CNTNAP5: variants seen among roughly 807,000 people sequenced by gnomAD.
CNTNAP5 encodes the protein contactin-associated protein-like 5.
In CNTNAP5, 72 loss-of-function variants were observed where a neutral mutation model predicts 150.2. That is an observed-to-expected ratio of 0.48 (90% CI 0.40 to 0.58). The LOEUF (loss-of-function observed/expected upper bound fraction) is 0.58, where lower values mean the gene tolerates loss of function less well. Ranked by LOEUF, CNTNAP5 falls within the 20% of genes least tolerant of loss-of-function variation. CNTNAP5 has a pLI of 0.00. For synonymous variants in CNTNAP5, 672 were observed against 619.8 expected (o/e 1.08, Z -1.25); for missense variants, 1,636 against 1,626.2 (o/e 1.01, Z -0.10).
intron 8 of CNTNAP5, 95 bp downstream of exon 8, chr2:124,504,651 G>C: frequency 8.1e-7 from 1 of 1,234,890 alleles, no homozygotes; most frequent in Non-Finnish European, 1.1e-6. Flanking sequence ...AAATCTCAGG[G>C]ATATGGGTTA....
chr2:124,533,388 T>TCTAAGAAATTC (rs1695156473), intron 10 of CNTNAP5, among the ~76,000 whole-genome samples: 2 of 152,168 alleles, frequency 1.3e-5, no homozygotes, highest in African/African-American at 4.8e-5. Context: ...CCTGGAAATT[T>TCTAAGAAATTC]GCATTTCTAA....
intron 4 of CNTNAP5, among the ~76,000 whole-genome samples, chr2:124,427,871 T>C (rs1025775836): frequency 1.3e-5 from 2 of 152,148 alleles, no homozygotes; most frequent in African/African-American, 4.8e-5. Context: ...ACAGAGCTCC[T>C]CAAACCTCAT....
chr2:124,679,098 G>C (rs1679006384), intron 13 of CNTNAP5, among the ~76,000 whole-genome samples: 1 of 151,902 alleles, frequency 6.6e-6, no homozygotes, highest in Non-Finnish European at 1.5e-5. Flanking sequence ...TGAATGGCCA[G>C]AGTCAAAGTC....
At chr2:124,759,938 C>CTTTT (rs571408475) in intron 14 of CNTNAP5, among the ~76,000 whole-genome samples, 3 of 83,640 alleles carry the variant, frequency 3.6e-5, no homozygotes, top group Admixed American at 1.4e-4. Context: ...ACTCCTCGGT[C>CTTTT]TTTTTTTTTT....
chr2:124,309,922 C>T (rs1335087996), intron 3 of CNTNAP5, among the ~76,000 whole-genome samples: 1 of 152,158 alleles, frequency 6.6e-6, no homozygotes, highest in African/African-American at 2.4e-5. Context: ...CAGTGTCTTG[C>T]CTGTACTAGG....
intron 1 of CNTNAP5, among the ~76,000 whole-genome samples, chr2:124,117,174 G>A (rs769008358): frequency 1.3e-5 from 2 of 152,070 alleles, no homozygotes; most frequent in Non-Finnish European, 2.9e-5. Context: ...AATATAAACC[G>A]AGCCAAGAAT....
rs58774096 is a variant in CNTNAP5, at chr2:124,619,842, CATATAT to C, written c.1876+9960_1876+9965del. Among the ~76,000 whole-genome samples, 388 of 98,402 alleles carry C rather than the reference CATATAT, an allele frequency of 3.9e-3. 1 individual carries two copies. The highest frequency in any genetic ancestry group is 0.012 in the African/African-American group (210 of 16,862). The allele number at this position is 98,402 out of a possible 152,430, so 64.6% of individuals were successfully genotyped here. A position where few individuals can be genotyped will look rare whatever the true frequency, so the allele number is the denominator to read the frequency against. On this transcript the variant is annotated intron_variant, in intron 12 of 23. Coordinates refer to ENST00000682447, the MANE Select transcript of CNTNAP5 (RefSeq NM_001367498.1). ...AATCTCCTTCTCTCACTGTCTCATT[CATATAT>C]ATATATATATATATATATATATATA... is the stretch of plus-strand genomic sequence containing the variant.
chr2:124,455,906 G>A (rs1188657606), intron 6 of CNTNAP5, among the ~76,000 whole-genome samples: 1 of 152,076 alleles, frequency 6.6e-6, no homozygotes, highest in East Asian at 1.9e-4. Flanking sequence ...GCATGCAAGG[G>A]ACATACTTCC....
chr2:124,145,840 A>AAAAG (rs1684237093), intron 1 of CNTNAP5, among the ~76,000 whole-genome samples: 1 of 139,998 alleles, frequency 7.1e-6, no homozygotes, highest in Admixed American at 7.7e-5. Context: ...AAGAAAAAAA[A>AAAAG]AAAAAATAAA....
intron 11 of CNTNAP5, among the ~76,000 whole-genome samples, chr2:124,570,063 C>T (rs1051594044): frequency 1.3e-5 from 2 of 152,166 alleles, no homozygotes; most frequent in African/African-American, 4.8e-5. Context: ...AAAGATAATA[C>T]AGTGTGCTCT....
intron 19 of CNTNAP5, among the ~76,000 whole-genome samples, chr2:124,828,530 C>CACAGAATA (rs1460222916): frequency 1.3e-5 from 2 of 151,648 alleles, no homozygotes; most frequent in Non-Finnish European, 2.9e-5. Context: ...AGGATGAATG[C>CACAGAATA]ACAGAATAAC....
At chr2:124,575,437 C>T (rs1038468398) in intron 11 of CNTNAP5, among the ~76,000 whole-genome samples, 2 of 152,176 alleles carry the variant, frequency 1.3e-5, no homozygotes, top group African/African-American at 4.8e-5. Flanking sequence ...TTGGAACGCT[C>T]TTGGGTCACA....
intron 13 of CNTNAP5, among the ~76,000 whole-genome samples, chr2:124,681,852 A>T (rs1679076814): frequency 6.6e-6 from 1 of 152,092 alleles, no homozygotes; most frequent in East Asian, 1.9e-4. Flanking sequence ...ATGAACCACC[A>T]TGCCAGGCCC....
intron 13 of CNTNAP5, among the ~76,000 whole-genome samples, chr2:124,698,062 T>G (rs1348044567): frequency 6.6e-6 from 1 of 152,066 alleles, no homozygotes; most frequent in Admixed American, 6.6e-5. Flanking sequence ...TTGGCCATGC[T>G]AAGACCATAG....
intron 3 of CNTNAP5, among the ~76,000 whole-genome samples, chr2:124,329,517 G>A (rs1267229563): frequency 6.6e-6 from 1 of 152,086 alleles, no homozygotes; most frequent in African/African-American, 2.4e-5. Flanking sequence ...ATTCAAAGGT[G>A]CTCAGCATGC....
At chr2:124,127,224 A>T (rs940625929) in intron 1 of CNTNAP5, among the ~76,000 whole-genome samples, 8 of 152,330 alleles carry the variant, frequency 5.3e-5, no homozygotes, top group Admixed American at 4.6e-4. Context: ...CAGGATACAA[A>T]ATCAATGTGC....
intron 9 of CNTNAP5, among the ~76,000 whole-genome samples, chr2:124,524,897 C>G (rs1694930362): frequency 6.6e-6 from 1 of 152,180 alleles, no homozygotes. Context: ...ACTTTCCTCT[C>G]TTAGTCTCCT....
chr2:124,295,203 C>CTT (rs71394033), intron 3 of CNTNAP5, among the ~76,000 whole-genome samples: 12 of 138,004 alleles, frequency 8.7e-5, no homozygotes, highest in Admixed American at 1.5e-4. Context: ...AGGTTGATTT[C>CTT]TTTTTTTTTT....
chr2:124,911,237 C>A (rs1573707025), intron 22 of CNTNAP5, among the ~76,000 whole-genome samples: 1 of 152,084 alleles, frequency 6.6e-6, no homozygotes, highest in Admixed American at 6.6e-5. Flanking sequence ...CCTTATCTTA[C>A]AATTTGCACA....
Sources: gnomAD v4.1 joint callset for allele counts (sites outside exome capture counted in the v4.1 genomes callset) on GRCh38, gnomAD v4.1.1 for gene constraint, MANE v1.5 for transcripts, NCBI Gene and HGNC (gene_info 2026-07-23, HGNC 2026-07-21) for gene names.